Variants in CNTN5 observed in about 807,000 individuals in gnomAD.
The protein encoded by CNTN5 is contactin-5.
Under a neutral mutation model 129.1 loss-of-function variants are expected in CNTN5, and 77 were observed. That is an observed-to-expected ratio of 0.60 (90% CI 0.50 to 0.72). The LOEUF (loss-of-function observed/expected upper bound fraction) is 0.72. CNTN5 is among the 30% of genes least tolerant of loss of function. The pLI, the probability that CNTN5 is intolerant of heterozygous loss-of-function variation, is 0.00. For missense variants in CNTN5, 1,478 were observed against 1,328.8 expected (o/e 1.11, Z -1.75); for synonymous variants, 509 against 465.6 (o/e 1.09, Z -1.20).
chr11:100,093,998 T>C (rs1270843588), intron 13 of CNTN5, among the ~76,000 whole-genome samples: 1 of 152,168 alleles, frequency 6.6e-6, no homozygotes, highest in Non-Finnish European at 1.5e-5. Context: ...TTCATAACTG[T>C]GTCGGATCCT....
At chr11:99,520,311 G>A (rs1947228188) in intron 2 of CNTN5, among the ~76,000 whole-genome samples, 1 of 151,988 alleles carries the variant, frequency 6.6e-6, no homozygotes, top group Non-Finnish European at 1.5e-5. Flanking sequence ...GTCTCTCCTA[G>A]ATAACTGCTT....
At chr11:100,051,544 A>G (rs1450887430) in intron 9 of CNTN5, among the ~76,000 whole-genome samples, 1 of 151,978 alleles carries the variant, frequency 6.6e-6, no homozygotes, top group African/African-American at 2.4e-5. Flanking sequence ...TTAATGATCT[A>G]AACTTCTACC....
chr11:100,142,796 T>A (rs541344873), intron 13 of CNTN5, among the ~76,000 whole-genome samples: 25 of 152,246 alleles, frequency 1.6e-4, no homozygotes, highest in African/African-American at 4.6e-4. Context: ...TGTGAATAAG[T>A]TCAGGAAAGT....
chr11:99,993,882 C>G (rs1292088841), intron 8 of CNTN5, among the ~76,000 whole-genome samples: 1 of 152,142 alleles, frequency 6.6e-6, no homozygotes, highest in Non-Finnish European at 1.5e-5. Context: ...TATATCATCA[C>G]TCTTAGTGTG....
chr11:100,050,391 C>T (rs868535225), intron 9 of CNTN5, among the ~76,000 whole-genome samples: 15 of 151,868 alleles, frequency 9.9e-5, no homozygotes, highest in Admixed American at 3.9e-4. Context: ...AACCAAACAC[C>T]GCATATTCTC....
intron 3 of CNTN5, among the ~76,000 whole-genome samples, chr11:99,736,095 C>T (rs915543802): frequency 5.9e-5 from 9 of 151,392 alleles, no homozygotes; most frequent in African/African-American, 1.7e-4. Flanking sequence ...GCTGAAATTA[C>T]GAGATTGGTA....
chr11:99,760,722 GTTTAC>G (rs969629708), intron 3 of CNTN5, among the ~76,000 whole-genome samples: 3 of 151,746 alleles, frequency 2.0e-5, no homozygotes, highest in Non-Finnish European at 2.9e-5. Flanking sequence ...TAACAGCTTT[GTTTAC>G]TTTATGTTAT....
At chr11:99,194,295 C>T (rs1269354758) in intron 1 of CNTN5, among the ~76,000 whole-genome samples, 1 of 151,964 alleles carries the variant, frequency 6.6e-6, no homozygotes, top group Non-Finnish European at 1.5e-5. Flanking sequence ...ATAAAAGTAG[C>T]ACATTTTTAG....
intron 17 of CNTN5, among the ~76,000 whole-genome samples, chr11:100,269,116 A>G (rs1950360505): frequency 6.6e-6 from 1 of 152,216 alleles, no homozygotes; most frequent in Non-Finnish European, 1.5e-5. Flanking sequence ...GATAAGGCGT[A>G]GTCAGGTGGG....
chr11:99,164,019 T>C (rs1223615640), intron 1 of CNTN5, among the ~76,000 whole-genome samples: 1 of 152,108 alleles, frequency 6.6e-6, no homozygotes, highest in Non-Finnish European at 1.5e-5. Context: ...TGATATAAAA[T>C]TATGTCAAAA....
intron 6 of CNTN5, among the ~76,000 whole-genome samples, chr11:99,864,523 C>G (rs1948303694): frequency 6.6e-6 from 1 of 152,152 alleles, no homozygotes; most frequent in South Asian, 2.1e-4. Context: ...TCCCTCGATT[C>G]CACAAACCCA....
rs71050018 is a variant in CNTN5 at position 99,710,567 on chromosome 11, A to ATGTGTG, written c.56-108947_56-108942dup. 8.9e-3 allele frequency among the ~76,000 whole-genome samples: 1,255 copies of ATGTGTG among 140,550 alleles called. 19 individuals are homozygous for ATGTGTG. The highest frequency in any genetic ancestry group is 0.03 in the African/African-American group (1,103 of 36,928). 92.2% of individuals were successfully genotyped at this position (140,550 alleles called of 152,430 possible). ...CTAGATTGTGTGTGTGTGTGTGTGCATGTGTGTGTGTGTGTGTGTGTGTGT... is the reference window on the plus strand; with the variant it reads ...CTAGATTGTGTGTGTGTGTGTGTGCATGTGTGTGTGTGTGTGTGTGTGTGTGTGTGT... On this transcript the variant is annotated intron_variant, in intron 3 of 24. Transcript: ENST00000524871.
intron 2 of CNTN5, among the ~76,000 whole-genome samples, chr11:99,351,505 T>A (rs548965974): frequency 1.2e-4 from 19 of 152,332 alleles, no homozygotes; most frequent in African/African-American, 4.6e-4. Flanking sequence ...CATTTTAAAA[T>A]CCTTCCTCTT....
At chr11:99,087,466 A>G (rs562283602) in intron 1 of CNTN5, among the ~76,000 whole-genome samples, 5 of 152,322 alleles carry the variant, frequency 3.3e-5, no homozygotes, top group South Asian at 2.1e-4. Context: ...TTTGTGATAA[A>G]CAGTAATTGA....
intron 13 of CNTN5, among the ~76,000 whole-genome samples, chr11:100,090,784 T>A (rs1455620244): frequency 2.6e-5 from 4 of 151,824 alleles, no homozygotes; most frequent in South Asian, 4.2e-4. Flanking sequence ...GCACTGCTAA[T>A]CCTTAATCAA....
intron 3 of CNTN5, among the ~76,000 whole-genome samples, chr11:99,586,392 C>G (rs1949794648): frequency 6.6e-6 from 1 of 152,158 alleles, no homozygotes; most frequent in Non-Finnish European, 1.5e-5. Context: ...ATGTTTTACC[C>G]TTTCTCTAAA....
At chr11:99,852,718 C>G (rs1436904364) in intron 6 of CNTN5, among the ~76,000 whole-genome samples, 1 of 152,136 alleles carries the variant, frequency 6.6e-6, no homozygotes. Flanking sequence ...TATATTTTAT[C>G]ATAGTGCTCT....
At chr11:99,932,029 T>C (rs984777401) in intron 7 of CNTN5, among the ~76,000 whole-genome samples, 1 of 152,096 alleles carries the variant, frequency 6.6e-6, no homozygotes, top group South Asian at 2.1e-4. Flanking sequence ...CTTTTTTGAG[T>C]CTCCTGTATA....
chr11:99,026,107 G>T (rs556485127), intron 1 of CNTN5, among the ~76,000 whole-genome samples: 80 of 151,572 alleles, frequency 5.3e-4, no homozygotes, highest in Non-Finnish European at 1.0e-3. Context: ...ATTTTTAAAA[G>T]AATTTTATTG....
Sources: gnomAD v4.1 joint callset for allele counts (sites outside exome capture counted in the v4.1 genomes callset) on GRCh38, gnomAD v4.1.1 for gene constraint, MANE v1.5 for transcripts, NCBI Gene and HGNC (gene_info 2026-07-23, HGNC 2026-07-21) for gene names.